CTNNA3: variants seen among roughly 807,000 people sequenced by gnomAD.
The protein encoded by CTNNA3 is catenin alpha 3.
In CTNNA3, 76 loss-of-function variants were observed where a neutral mutation model predicts 95.7. The ratio of observed to expected loss-of-function variants is 0.79; its 90% confidence interval spans 0.66 to 0.96. The LOEUF (loss-of-function observed/expected upper bound fraction) is 0.96, where lower values mean the gene tolerates loss of function less well. Ranked by LOEUF, CTNNA3 falls within the 40% of genes least tolerant of loss-of-function variation. CTNNA3 has a pLI of 0.00. For missense variants in CTNNA3, 1,191 were observed against 1,089.8 expected, an observed-to-expected ratio of 1.09 and a Z score of -1.31; for synonymous variants, 431 against 374.4, an observed-to-expected ratio of 1.15 and a Z score of -1.74.
intron 9 of CTNNA3, among the ~76,000 whole-genome samples, chr10:66,637,556 G>C (rs1259440301): frequency 6.6e-6 from 1 of 152,200 alleles, no homozygotes; most frequent in Non-Finnish European, 1.5e-5. Flanking sequence ...CCGTTGTCAG[G>C]CTCAGCCTCT....
chr10:67,393,764 T>C (rs961618720), intron 5 of CTNNA3, among the ~76,000 whole-genome samples: 5 of 152,172 alleles, frequency 3.3e-5, no homozygotes, highest in African/African-American at 1.2e-4. Context: ...TCTGTACTAG[T>C]TGGAGTGATT....
intron 9 of CTNNA3, among the ~76,000 whole-genome samples, chr10:66,687,247 G>T (rs1344196660): frequency 6.6e-6 from 1 of 151,884 alleles, no homozygotes; most frequent in Non-Finnish European, 1.5e-5. Flanking sequence ...AGGCAAAAAA[G>T]GTGATAAATT....
intron 5 of CTNNA3, among the ~76,000 whole-genome samples, chr10:67,436,232 C>A (rs1846295008): frequency 1.3e-5 from 2 of 152,032 alleles, no homozygotes; most frequent in Admixed American, 1.3e-4. Flanking sequence ...GAGAGGACAC[C>A]CTTTTCAACA....
chr10:67,652,869 T>A (rs1839917240), intron 1 of CTNNA3, among the ~76,000 whole-genome samples: 1 of 152,230 alleles, frequency 6.6e-6, no homozygotes, highest in African/African-American at 2.4e-5. Flanking sequence ...CTTCAGCATG[T>A]CCTGCCAGAC....
At chr10:66,790,152 A>G (rs532088446) in intron 7 of CTNNA3, among the ~76,000 whole-genome samples, 1 of 152,228 alleles carries the variant, frequency 6.6e-6, no homozygotes, top group African/African-American at 2.4e-5. Context: ...GCTAACAGAT[A>G]AAAATATTAT....
At chr10:66,257,008 C>T (rs1308690371) in intron 13 of CTNNA3, among the ~76,000 whole-genome samples, 2 of 152,050 alleles carry the variant, frequency 1.3e-5, no homozygotes, top group African/African-American at 4.8e-5. Flanking sequence ...GGCACCTCTT[C>T]CTTCTGGGCT....
chr10:66,581,055 A>T (rs375955155), intron 10 of CTNNA3, among the ~76,000 whole-genome samples: 1 of 151,724 alleles, frequency 6.6e-6, no homozygotes, highest in Non-Finnish European at 1.5e-5. Flanking sequence ...AGTTCCAACC[A>T]AGTTGCCACA....
intron 7 of CTNNA3, among the ~76,000 whole-genome samples, chr10:67,046,021 A>G (rs1221959684): frequency 1.3e-5 from 2 of 152,200 alleles, no homozygotes; most frequent in Non-Finnish European, 2.9e-5. Context: ...GTATCATTAC[A>G]TAAAATAAAA....
intron 11 of CTNNA3, among the ~76,000 whole-genome samples, chr10:66,431,706 T>C (rs1284452389): frequency 7.3e-6 from 1 of 136,520 alleles, no homozygotes; most frequent in Non-Finnish European, 1.5e-5. Flanking sequence ...ATGAGAACAC[T>C]TGGACACAGG....
chr10:66,972,860 G>T (rs1849804641), intron 7 of CTNNA3, among the ~76,000 whole-genome samples: 1 of 151,632 alleles, frequency 6.6e-6, no homozygotes, highest in Non-Finnish European at 1.5e-5. Flanking sequence ...ACAGGCGCCT[G>T]CCACCACGCC....
At chr10:66,159,005 T>C (rs983798510) in intron 13 of CTNNA3, among the ~76,000 whole-genome samples, 1 of 152,108 alleles carries the variant, frequency 6.6e-6, no homozygotes, top group African/African-American at 2.4e-5. Context: ...TGTACATTAA[T>C]CTTGTATCTG....
intron 1 of CTNNA3, among the ~76,000 whole-genome samples, chr10:67,660,263 G>A (rs1840140765): frequency 6.6e-6 from 1 of 152,126 alleles, no homozygotes; most frequent in Non-Finnish European, 1.5e-5. Context: ...TATTACACAT[G>A]TTAAATATCC....
chr10:67,754,370 T>C (rs968865573), intron 1 of CTNNA3, among the ~76,000 whole-genome samples: 11 of 151,920 alleles, frequency 7.2e-5, no homozygotes, highest in Non-Finnish European at 1.3e-4. Context: ...AATACCTAGG[T>C]GATGGGTTGA....
In CTNNA3 at chr10:66,382,855, A is replaced by G. The variant is rs538973760; in HGVS notation, c.1532-3503T>C. ...CAGACCTGCAGCTGAGGGACCTGATAGAAGGAAAACTAACAAACAGAAAGG... is the reference window on the plus strand; with the variant it reads ...CAGACCTGCAGCTGAGGGACCTGATGGAAGGAAAACTAACAAACAGAAAGG... On this transcript the variant is annotated intron_variant, in intron 11 of 17. Transcript: ENST00000433211. Among the ~76,000 whole-genome samples, 3 of 152,292 alleles carry G rather than the reference A, an allele frequency of 2.0e-5. No individual in the cohort carries two copies. In the South Asian group the frequency reaches 6.2e-4, roughly 32 times the overall value.
intron 16 of CTNNA3, among the ~76,000 whole-genome samples, chr10:65,976,759 A>C (rs2078214047): frequency 6.6e-6 from 1 of 152,144 alleles, no homozygotes; most frequent in Non-Finnish European, 1.5e-5. Context: ...CTATTTTTCA[A>C]ATCTCCTTTG....
At chr10:67,547,363 G>A (rs1423278015) in intron 3 of CTNNA3, among the ~76,000 whole-genome samples, 2 of 152,124 alleles carry the variant, frequency 1.3e-5, no homozygotes, top group African/African-American at 4.8e-5. Flanking sequence ...AAAATTACCA[G>A]TTATCAATTA....
chr10:66,755,525 T>C (rs1344481821), intron 9 of CTNNA3, among the ~76,000 whole-genome samples: 1 of 152,060 alleles, frequency 6.6e-6, no homozygotes, highest in African/African-American at 2.4e-5. Flanking sequence ...TATGAGATAA[T>C]ATTACATACA....
At chr10:66,682,887 T>C (rs1356424276) in intron 9 of CTNNA3, among the ~76,000 whole-genome samples, 1 of 152,172 alleles carries the variant, frequency 6.6e-6, no homozygotes, top group African/African-American at 2.4e-5. Context: ...CACTTTTCTG[T>C]GCCTCAGTTT....
intron 7 of CTNNA3, among the ~76,000 whole-genome samples, chr10:66,970,771 GC>G (rs1849675559): frequency 6.6e-6 from 1 of 151,980 alleles, no homozygotes; most frequent in Non-Finnish European, 1.5e-5. Context: ...ACAAATGATT[GC>G]CCAAGTGATA....
Sources: allele counts gnomAD v4.1 joint callset (sites outside exome capture counted in the v4.1 genomes callset), GRCh38; gene constraint gnomAD v4.1.1; transcripts MANE v1.5; gene names NCBI Gene and HGNC (gene_info 2026-07-23, HGNC 2026-07-21).